The following SORCS1 variants were observed in gnomAD, a reference collection of about 807,000 sequenced individuals.
SORCS1 encodes sortilin related VPS10 domain containing receptor 1, also known as VPS10 domain-containing receptor SorCS1.
SORCS1 carries 60 observed loss-of-function variants against 146.1 expected under a neutral mutation model. The observed-to-expected ratio is 0.41, with a 90% CI of 0.33 to 0.51. SORCS1 has a LOEUF of 0.51. Among genes scored for constraint, SORCS1 ranks in the 20% least tolerant of loss-of-function variants. SORCS1 has a pLI of 0.21. For missense variants in SORCS1, 1,352 were observed against 1,487.6 expected (o/e 0.91, Z 1.50); for synonymous variants, 637 against 584.0 (o/e 1.09, Z -1.31).
chr10:106,825,523 C>CCCATAGTGCTG (rs1212951621), intron 3 of SORCS1, among the ~76,000 whole-genome samples: 1 of 152,098 alleles, frequency 6.6e-6, no homozygotes, highest in Admixed American at 6.5e-5. Context: ...CCACCCGCCT[C>CCCATAGTGCTG]GGCCTCCCAT....
intron 1 of SORCS1, among the ~76,000 whole-genome samples, chr10:106,996,027 T>C (rs1956983719): frequency 6.6e-6 from 1 of 151,980 alleles, no homozygotes; most frequent in African/African-American, 2.4e-5. Flanking sequence ...CCTGTGATCA[T>C]GTTCAAGTTC....
intron 3 of SORCS1, among the ~76,000 whole-genome samples, chr10:106,815,084 C>T (rs541449233): frequency 1.3e-5 from 2 of 151,998 alleles, no homozygotes; most frequent in East Asian, 2.0e-4. Flanking sequence ...CTCAGCCTCC[C>T]GAGTAGCTGG....
At chr10:106,698,584 T>C (rs1368774725) in intron 9 of SORCS1, among the ~76,000 whole-genome samples, 1 of 152,206 alleles carries the variant, frequency 6.6e-6, no homozygotes, top group Non-Finnish European at 1.5e-5. Flanking sequence ...CAATCCAACA[T>C]ACATGATTTT....
intron 1 of SORCS1, among the ~76,000 whole-genome samples, chr10:106,995,976 C>G (rs375849987): frequency 1.3e-5 from 2 of 151,988 alleles, no homozygotes; most frequent in African/African-American, 2.4e-5. Flanking sequence ...CACCTGTAAT[C>G]GCAGCACTTT....
chr10:107,007,171 A>T lies in SORCS1; in HGVS notation c.559-50591T>A, dbSNP rs1263395594. ...AGGTTCATTGACTATGAAAGTGGTAACTGTGTGTGGTGATTAAAGACAGTC... is the reference window on the plus strand; with the variant it reads ...AGGTTCATTGACTATGAAAGTGGTATCTGTGTGTGGTGATTAAAGACAGTC... On this transcript the variant is annotated intron_variant, in intron 1 of 25. Transcript: ENST00000263054. Among the ~76,000 whole-genome samples the T allele has an allele frequency of 3.9e-5, 6 of 152,218 alleles. No homozygotes were observed. The East Asian group carries it at 1.2e-3, about 29-fold the overall frequency.
intron 1 of SORCS1, among the ~76,000 whole-genome samples, chr10:107,042,555 G>A (rs1345902593): frequency 6.6e-6 from 1 of 152,092 alleles, no homozygotes; most frequent in Non-Finnish European, 1.5e-5. Context: ...AAATAAAGGG[G>A]TGGCTCTCAT....
intron 2 of SORCS1, among the ~76,000 whole-genome samples, chr10:106,909,718 C>T (rs558804083): frequency 6.6e-6 from 1 of 152,270 alleles, no homozygotes; most frequent in East Asian, 1.9e-4. Context: ...TTTTTGGCTC[C>T]AACCTGGTTT....
chr10:106,715,981 G>A (rs1020501839), intron 6 of SORCS1, among the ~76,000 whole-genome samples: 33 of 152,200 alleles, frequency 2.2e-4, no homozygotes, highest in African/African-American at 7.7e-4. Flanking sequence ...TCGAACTCCT[G>A]ACCTCGTGAT....
intron 2 of SORCS1, among the ~76,000 whole-genome samples, chr10:106,917,152 A>G (rs11193096): frequency 0.32 from 48,834 of 152,012 alleles, 8,063 homozygotes; most frequent in South Asian, 0.39. Flanking sequence ...AATCTAACAA[A>G]ACTCCTGTAT....
At chr10:106,794,113 A>C (rs1946433365) in intron 3 of SORCS1, among the ~76,000 whole-genome samples, 1 of 152,166 alleles carries the variant, frequency 6.6e-6, no homozygotes, top group South Asian at 2.1e-4. Flanking sequence ...GTTCTATTTG[A>C]TGTAGATAAT....
At chr10:107,172,043 G>T in the SORCS1 span, among the ~76,000 whole-genome samples, 3 of 152,128 alleles carry the variant, frequency 2.0e-5, no homozygotes, top group Non-Finnish European at 2.9e-5. Context: ...TCCAGGGGTG[G>T]TTTAATGAGT....
chr10:106,655,158 T>C (rs1232524157), intron 17 of SORCS1, among the ~76,000 whole-genome samples: 2 of 152,144 alleles, frequency 1.3e-5, no homozygotes, highest in Non-Finnish European at 2.9e-5. Flanking sequence ...CCTGGCCTCA[T>C]CTGATATTTA....
intron 1 of SORCS1, among the ~76,000 whole-genome samples, chr10:107,014,278 G>GAAAAAAA: frequency 7.2e-6 from 1 of 138,312 alleles, no homozygotes; most frequent in African/African-American, 2.9e-5. Context: ...AAAAAGAAAA[G>GAAAAAAA]AAAAAAAGAG....
intron 2 of SORCS1, among the ~76,000 whole-genome samples, chr10:106,879,043 G>A (rs1181722514): frequency 1.3e-5 from 2 of 151,742 alleles, no homozygotes; most frequent in African/African-American, 2.4e-5. Flanking sequence ...CCAGCTACTC[G>A]GGGGGCTGAG....
At chr10:107,065,975 C>A (rs772639275) in intron 1 of SORCS1, among the ~76,000 whole-genome samples, 2 of 152,178 alleles carry the variant, frequency 1.3e-5, no homozygotes, top group Non-Finnish European at 2.9e-5. Context: ...GATTCTAGCA[C>A]CAATGGCTTA....
At chr10:107,096,080 T>C (rs547038355) in intron 1 of SORCS1, among the ~76,000 whole-genome samples, 1 of 152,318 alleles carries the variant, frequency 6.6e-6, no homozygotes, top group South Asian at 2.1e-4. Flanking sequence ...CATTATAAGA[T>C]TACACAGCAC....
At chr10:106,671,929 C>T (rs2135479478) in intron 15 of SORCS1, among the ~76,000 whole-genome samples, 1 of 152,314 alleles carries the variant, frequency 6.6e-6, no homozygotes, top group South Asian at 2.1e-4. Context: ...TATCACAATG[C>T]TTGTGCATCC....
chr10:106,963,110 A>ATTTTTTTTTTTTTGTTTT (rs1955324616), intron 1 of SORCS1, among the ~76,000 whole-genome samples: 1 of 76,296 alleles, frequency 1.3e-5, no homozygotes, highest in African/African-American at 4.6e-5. Flanking sequence ...AATGGCCAGA[A>ATTTTTTTTTTTTTGTTTT]TTTTTTTTTT....
chr10:106,907,941 C>G (rs538867573), intron 2 of SORCS1, among the ~76,000 whole-genome samples: 1 of 151,900 alleles, frequency 6.6e-6, no homozygotes, highest in Non-Finnish European at 1.5e-5. Context: ...TCTATTAATA[C>G]TGAAATTACT....
Sources: gnomAD v4.1 joint callset for allele counts (sites outside exome capture counted in the v4.1 genomes callset) on GRCh38, gnomAD v4.1.1 for gene constraint, MANE v1.5 for transcripts, NCBI Gene and HGNC (gene_info 2026-07-23, HGNC 2026-07-21) for gene names.